DNAH7: variants seen among roughly 807,000 people sequenced by gnomAD.
DNAH7 encodes the protein dynein axonemal heavy chain 7.
DNAH7 carries 397 observed loss-of-function variants against 444.6 expected under a neutral mutation model. The ratio of observed to expected loss-of-function variants is 0.89; its 90% CI spans 0.82 to 0.97. DNAH7 has a LOEUF of 0.97. DNAH7 is among the 50% of genes least tolerant of loss of function. The pLI is 0.00. For synonymous variants in DNAH7, 1,636 were observed against 1,624.4 expected (o/e 1.01, Z -0.17); for missense variants, 4,902 against 4,800.8 (o/e 1.02, Z -0.62).
chr2:195,922,854 A>T (rs1384321630), intron 23 of DNAH7, among the ~76,000 whole-genome samples: 1 of 150,242 alleles, frequency 6.7e-6, no homozygotes, highest in African/African-American at 2.4e-5. Flanking sequence ...TCAATTGATC[A>T]ATTAGAGGAA....
rs1340215763 is a variant in DNAH7, at chr2:196,008,194, A to G, written c.989+4593T>C. ...AGCCCATAAAAAGATAGTCAACATC[A>G]TTGGTCATGAGGGAAATGCAAATCA... On this transcript the variant is annotated intron_variant, in intron 10 of 64. Transcript: ENST00000312428. 4.6e-5 allele frequency among the ~76,000 whole-genome samples: 7 copies of G among 152,188 alleles called. No homozygotes were observed. In the East Asian group the frequency reaches 1.4e-3, roughly 29 times the overall value.
intron 58 of DNAH7, among the ~76,000 whole-genome samples, chr2:195,782,558 AAAAG>A (rs1431466223): frequency 6.6e-6 from 1 of 152,212 alleles, no homozygotes; most frequent in African/African-American, 2.4e-5. Context: ...TAAATGAACT[AAAAG>A]AACCACAGAA....
intron 6 of DNAH7, among the ~76,000 whole-genome samples, chr2:196,027,628 G>A (rs1311436158): frequency 6.6e-6 from 1 of 151,828 alleles, no homozygotes; most frequent in Non-Finnish European, 1.5e-5. Context: ...CCTAAAGTAC[G>A]TTAATATGCC....
intron 12 of DNAH7, among the ~76,000 whole-genome samples, chr2:195,993,130 T>C (rs1268685377): frequency 2.0e-5 from 3 of 152,206 alleles, no homozygotes; most frequent in Non-Finnish European, 4.4e-5. Context: ...AAGGGATCCA[T>C]GCCTGCTGCT....
At position 195,737,939 on chromosome 2, in the gene DNAH7, T is replaced by C. The variant is rs1300079075; in HGVS notation, c.12057A>G (p.Leu4019=). 2 of 1,613,976 alleles carry C rather than the reference T, an allele frequency of 1.2e-6. No homozygotes were observed. Among genetic ancestry groups the C allele is most frequent in the South Asian group, 1.1e-5 (1 of 91,022 alleles). Reference sequence around the variant, plus strand: ...CTTCTGGTTATGAATTAAGTTGACATAACAGTGCTACACCTCGTCCAATCC... The same window carrying C: ...CTTCTGGTTATGAATTAAGTTGACACAACAGTGCTACACCTCGTCCAATCC... ...EHWIGRGVAL[L]CQLNS Residue 4019 remains leucine (L), a synonymous_variant, in exon 65 of 65, where the codon TTA becomes TTG. Transcript: ENST00000312428.
At chr2:195,878,700 A>G (rs1701198796) in intron 36 of DNAH7, among the ~76,000 whole-genome samples, 1 of 152,232 alleles carries the variant, frequency 6.6e-6, no homozygotes, top group South Asian at 2.1e-4. Flanking sequence ...AAACAGAACT[A>G]AATCTAACCA....
At chr2:195,998,405 C>T (rs1375859704) in intron 12 of DNAH7, among the ~76,000 whole-genome samples, 2 of 151,970 alleles carry the variant, frequency 1.3e-5, no homozygotes, top group Non-Finnish European at 2.9e-5. Flanking sequence ...GAAACCCCAT[C>T]TCTACTAAAA....
At chr2:195,748,525 G>A (rs931670040) in intron 63 of DNAH7, among the ~76,000 whole-genome samples, 10 of 152,120 alleles carry the variant, frequency 6.6e-5, no homozygotes, top group East Asian at 1.9e-4. Context: ...CCCACATCGC[G>A]AAGTCAATCC....
At chr2:195,850,675 T>C (rs1699308137) in intron 46 of DNAH7, among the ~76,000 whole-genome samples, 1 of 152,198 alleles carries the variant, frequency 6.6e-6, no homozygotes, top group Non-Finnish European at 1.5e-5. Flanking sequence ...ATCCAGAGAC[T>C]TGAAACCCTT....
intron 48 of DNAH7, among the ~76,000 whole-genome samples, chr2:195,829,053 C>T (rs1697933704): frequency 6.6e-6 from 1 of 152,004 alleles, no homozygotes; most frequent in African/African-American, 2.4e-5. Flanking sequence ...GTACTTAAGC[C>T]TTCTCTGGTT....
intron 40 of DNAH7, among the ~76,000 whole-genome samples, chr2:195,871,956 A>AAAC (rs1700730079): frequency 1.2e-5 from 1 of 81,198 alleles, no homozygotes; most frequent in East Asian, 2.3e-4. Context: ...AAAAAAAAAA[A>AAAC]AAAAAAAAAA....
chr2:196,026,629 A>G (rs1695706248), intron 7 of DNAH7, 131 bp downstream of exon 7: 4 of 643,636 alleles, frequency 6.2e-6, no homozygotes, highest in African/African-American at 1.8e-5. Flanking sequence ...CTTAAGTAAT[A>G]TAACAGCAAT....
rs560586492 is a variant in DNAH7 at position 195,921,108 on chromosome 2, T to C, written c.3935+980A>G. Reference sequence around the variant, plus strand: ...TGAAAGGGGAACACTTTTACATCACTGGTAGGAATGTAAACTATACAACCA... The same window carrying C: ...TGAAAGGGGAACACTTTTACATCACCGGTAGGAATGTAAACTATACAACCA... On this transcript the variant is annotated intron_variant, in intron 24 of 64. Coordinates refer to ENST00000312428, the MANE Select transcript of DNAH7 (RefSeq NM_018897.3). Among the ~76,000 whole-genome samples, 3 of 152,358 alleles carry C rather than the reference T, an allele frequency of 2.0e-5. No individual in the cohort carries two copies. The East Asian group carries it at 5.8e-4, about 29-fold the overall frequency.
intron 1 of DNAH7, among the ~76,000 whole-genome samples, chr2:196,062,528 A>T (rs1698186660): frequency 6.6e-6 from 1 of 152,182 alleles, no homozygotes; most frequent in African/African-American, 2.4e-5. Context: ...TTTTGTAATG[A>T]CCTATCTCCA....
chr2:196,003,280 C>T (rs1392015252), intron 10 of DNAH7, among the ~76,000 whole-genome samples: 1 of 151,560 alleles, frequency 6.6e-6, no homozygotes, highest in East Asian at 1.9e-4. Flanking sequence ...ATTTCAGTGT[C>T]TAAAATAGAC....
intron 54 of DNAH7, among the ~76,000 whole-genome samples, chr2:195,800,558 A>T (rs1237763463): frequency 6.6e-6 from 1 of 152,212 alleles, no homozygotes; most frequent in African/African-American, 2.4e-5. Flanking sequence ...ATTAAATGCT[A>T]TATTAGTAAC....
At chr2:196,064,154 A>G (rs1698286986) in intron 1 of DNAH7, among the ~76,000 whole-genome samples, 1 of 152,034 alleles carries the variant, frequency 6.6e-6, no homozygotes, top group South Asian at 2.1e-4. Flanking sequence ...ATCTGTACCA[A>G]AAATACAAAA....
intron 63 of DNAH7, among the ~76,000 whole-genome samples, chr2:195,748,973 A>C (rs941734085): frequency 7.9e-5 from 12 of 152,192 alleles, no homozygotes; most frequent in African/African-American, 2.2e-4. Flanking sequence ...AACAAAGCCA[A>C]AATTGACAAA....
intron 32 of DNAH7, 132 bp downstream of exon 32, chr2:195,888,667 C>A (rs1324542860): frequency 9.6e-7 from 1 of 1,037,204 alleles, no homozygotes; most frequent in South Asian, 1.8e-5. Context: ...AACGTCTGTA[C>A]TTTGAGAATC....
Sources: gnomAD v4.1 joint callset for allele counts (sites outside exome capture counted in the v4.1 genomes callset) on GRCh38, gnomAD v4.1.1 for gene constraint, MANE v1.5 for transcripts, NCBI Gene and HGNC (gene_info 2026-07-23, HGNC 2026-07-21) for gene names.